SORCS2: variants seen among roughly 807,000 people sequenced by gnomAD.
SORCS2 encodes the protein sortilin related VPS10 domain containing receptor 2.
Under a neutral mutation model 141.6 loss-of-function variants are expected in SORCS2, and 100 were observed. The observed-to-expected ratio is 0.71, with a 90% CI of 0.60 to 0.83. SORCS2 has a LOEUF of 0.83. SORCS2 is among the 40% of genes least tolerant of loss of function. The pLI, the probability that SORCS2 is intolerant of heterozygous loss-of-function variation, is 0.00. For missense variants in SORCS2, 1,646 were observed against 1,560.2 expected (o/e 1.05, Z -0.93); for synonymous variants, 789 against 676.9 (o/e 1.17, Z -2.57).
chr4:7,494,463 G>A (rs1731493679), intron 2 of SORCS2, among the ~76,000 whole-genome samples: 1 of 151,948 alleles, frequency 6.6e-6, no homozygotes, highest in Non-Finnish European at 1.5e-5. Flanking sequence ...TCTGGTGTGG[G>A]CCTCTTCCTG....
intron 3 of SORCS2, among the ~76,000 whole-genome samples, chr4:7,563,534 G>A (rs551953428): frequency 6.6e-6 from 1 of 152,258 alleles, no homozygotes; most frequent in Admixed American, 6.5e-5. Flanking sequence ...AGATGGTCAT[G>A]GCTGAATGAG....
At position 7,223,747 on chromosome 4, in the gene SORCS2, G is replaced by T. The variant is rs182051836; in HGVS notation, c.480+30621G>T. On this transcript the variant is annotated intron_variant, in intron 1 of 26. Coordinates refer to ENST00000507866, the MANE Select transcript of SORCS2 (RefSeq NM_020777.3). ...CTGGTGCCTTCCTGGGAAGGGCTGG[G>T]CTTGGGAAGGGCATCTGGGAAGATG... 3.0e-4 allele frequency among the ~76,000 whole-genome samples: 46 copies of T among 152,276 alleles called. No homozygotes were observed. In the East Asian group the frequency reaches 7.7e-3, roughly 26 times the overall value.
intron 1 of SORCS2, among the ~76,000 whole-genome samples, chr4:7,333,714 C>T (rs1029809360): frequency 6.6e-6 from 1 of 152,196 alleles, no homozygotes; most frequent in African/African-American, 2.4e-5. Flanking sequence ...GGTTCCAAGC[C>T]TGTTATTTTC....
rs571717970 is a variant in SORCS2, at chr4:7,441,505, G to A, written c.548+45150G>A. On this transcript the variant is annotated intron_variant, in intron 2 of 26. Transcript: ENST00000507866. Reference sequence around the variant, plus strand: ...GAGGGCTGGGCAGGGTGCAGGGGAGGCGCAGGCCGGCAGGAGAGGGAAGCG... The same window carrying A: ...GAGGGCTGGGCAGGGTGCAGGGGAGACGCAGGCCGGCAGGAGAGGGAAGCG... Among the ~76,000 whole-genome samples, 3 of 152,116 alleles carry A rather than the reference G, an allele frequency of 2.0e-5. No homozygotes were observed. The East Asian group carries it at 5.8e-4, about 29-fold the overall frequency.
intron 2 of SORCS2, among the ~76,000 whole-genome samples, chr4:7,440,533 C>T (rs982181520): frequency 6.6e-6 from 1 of 152,264 alleles, no homozygotes; most frequent in Middle Eastern, 3.2e-3. Context: ...TACCGTTCCT[C>T]TCTCTGAATG....
intron 2 of SORCS2, among the ~76,000 whole-genome samples, chr4:7,422,695 C>T (rs368847639): frequency 1.8e-4 from 27 of 152,244 alleles, no homozygotes; most frequent in Non-Finnish European, 5.9e-5. Context: ...CAGGATGTCC[C>T]GGAACAGGGA....
Position 7,383,145 on chromosome 4 carries a change from C to G in SORCS2, c.481-13143C>G, listed in dbSNP as rs115405224. 2.5e-3 allele frequency among the ~76,000 whole-genome samples: 388 copies of G among 152,220 alleles called. 3 individuals carry two copies. Among genetic ancestry groups the G allele is most frequent in the African/African-American group, 9.0e-3 (372 of 41,542 alleles). ...AGGGCCTCGTGTCATGGATGCTTCT[C>G]CCAGCAGCTTTCTTGAGAAGATAAT... is the stretch of plus-strand genomic sequence containing the variant. On this transcript the variant is annotated intron_variant, in intron 1 of 26. Transcript: ENST00000507866.
chr4:7,360,011 C>G (rs915871932), intron 1 of SORCS2, among the ~76,000 whole-genome samples: 1 of 152,188 alleles, frequency 6.6e-6, no homozygotes, highest in African/African-American at 2.4e-5. Flanking sequence ...TGAGAGCTTG[C>G]CCGGTAGCAG....
At chr4:7,609,338 C>G (rs975350319) in intron 3 of SORCS2, among the ~76,000 whole-genome samples, 1 of 152,140 alleles carries the variant, frequency 6.6e-6, no homozygotes, top group Non-Finnish European at 1.5e-5. Flanking sequence ...CTGTTAGCAC[C>G]GTTTCTCTTC....
intron 18 of SORCS2, among the ~76,000 whole-genome samples, 198 bp from the exon 19 acceptor site, chr4:7,723,499 T>C (rs1321242391): frequency 2.6e-5 from 4 of 152,160 alleles, no homozygotes; most frequent in African/African-American, 9.7e-5. Context: ...CCAGCTGCCT[T>C]GGTCAGCCCC....
chr4:7,741,809 T>G lies in SORCS2; in HGVS notation c.*1545T>G. On this transcript the variant is annotated 3_prime_UTR_variant, in exon 27 of 27. Coordinates refer to ENST00000507866, the MANE Select transcript of SORCS2 (RefSeq NM_020777.3). ...TCCACCATGTCTGAGCTTGGGGGAATTGCCTCATTTCCCCTGGAAAAGAAA... is the reference window on the plus strand; with the variant it reads ...TCCACCATGTCTGAGCTTGGGGGAAGTGCCTCATTTCCCCTGGAAAAGAAA... 6.6e-6 allele frequency: 1 copy of G among 152,438 alleles called. No homozygotes were observed. The highest frequency in any genetic ancestry group is 1.5e-5 in the Non-Finnish European group (1 of 68,266). 9.4% of individuals were successfully genotyped at this position (152,438 alleles called of 1,614,324 possible). A position where few individuals can be genotyped will look rare whatever the true frequency, so the allele number is the denominator to read the frequency against.
At chr4:7,292,116 C>T (rs1479635688) in intron 1 of SORCS2, among the ~76,000 whole-genome samples, 1 of 152,194 alleles carries the variant, frequency 6.6e-6, no homozygotes, top group Non-Finnish European at 1.5e-5. Flanking sequence ...AGCTCTCTCC[C>T]GCTGATCTCC....
intron 3 of SORCS2, among the ~76,000 whole-genome samples, chr4:7,554,979 A>T (rs997287632): frequency 1.3e-5 from 2 of 152,192 alleles, no homozygotes; most frequent in African/African-American, 4.8e-5. Flanking sequence ...CAAAGTCATC[A>T]CAGTCGAGGT....
At position 7,253,271 on chromosome 4, in the gene SORCS2, G is replaced by T. The variant is rs530293893; in HGVS notation, c.480+60145G>T. Among the ~76,000 whole-genome samples the T allele has an allele frequency of 2.6e-5, 4 of 152,344 alleles. No individual in the cohort carries two copies. In the East Asian group the frequency reaches 7.7e-4, roughly 29 times the overall value. On this transcript the variant is annotated intron_variant, in intron 1 of 26. Transcript: ENST00000507866. Reference sequence around the variant, plus strand: ...TTGCTGCAGGGACAACCTGAGCCTCGCCGGGGAGGAGAGACCCTGGGGCAG... The same window carrying T: ...TTGCTGCAGGGACAACCTGAGCCTCTCCGGGGAGGAGAGACCCTGGGGCAG...
At chr4:7,371,344 C>T (rs893100020) in intron 1 of SORCS2, among the ~76,000 whole-genome samples, 4 of 152,168 alleles carry the variant, frequency 2.6e-5, no homozygotes, top group African/African-American at 9.7e-5. Flanking sequence ...CTGCCGGGCC[C>T]TTCTTGAGAA....
At chr4:7,588,355 G>A (rs955046528) in intron 3 of SORCS2, among the ~76,000 whole-genome samples, 2 of 152,330 alleles carry the variant, frequency 1.3e-5, no homozygotes, top group Admixed American at 1.3e-4. Context: ...AGGAATGGCT[G>A]TATTTTCACC....
chr4:7,510,107 G>A (rs1732524979), intron 2 of SORCS2, among the ~76,000 whole-genome samples: 1 of 152,250 alleles, frequency 6.6e-6, no homozygotes, highest in South Asian at 2.1e-4. Context: ...ATTGGAGAAA[G>A]TGTGGCGATG....
rs910600223 is a variant in SORCS2, at chr4:7,388,012, A to C, written c.481-8276A>C. ...CACACATGCACACACATGCACATGCATACAGATACACAGATACGCACACAT... is the reference window on the plus strand; with the variant it reads ...CACACATGCACACACATGCACATGCCTACAGATACACAGATACGCACACAT... On this transcript the variant is annotated intron_variant, in intron 1 of 26. Coordinates refer to ENST00000507866, the MANE Select transcript of SORCS2 (RefSeq NM_020777.3). Among the ~76,000 whole-genome samples, 336 of 151,140 alleles carry C rather than the reference A, an allele frequency of 2.2e-3. 4 individuals carry two copies. The highest frequency in any genetic ancestry group is 8.0e-3 in the African/African-American group (323 of 40,544).
chr4:7,691,411 G>A (rs1258274164), intron 11 of SORCS2, among the ~76,000 whole-genome samples: 1 of 152,208 alleles, frequency 6.6e-6, no homozygotes, highest in East Asian at 1.9e-4. Context: ...CCAGAGTGCA[G>A]GGAGTGGCTG....
Sources: allele counts gnomAD v4.1 joint callset (sites outside exome capture counted in the v4.1 genomes callset), GRCh38; gene constraint gnomAD v4.1.1; transcripts MANE v1.5; gene names NCBI Gene and HGNC (gene_info 2026-07-23, HGNC 2026-07-21).